BRINP1: variants seen among roughly 807,000 people sequenced by gnomAD.
BRINP1 encodes the protein BMP/retinoic acid inducible neural specific 1.
BRINP1 carries 17 observed loss-of-function variants against 72.9 expected under a neutral mutation model. The ratio of observed to expected loss-of-function variants is 0.23; its 90% CI spans 0.16 to 0.35. BRINP1 has a LOEUF of 0.35. Ranked by LOEUF, BRINP1 falls within the 10% of genes least tolerant of loss-of-function variation. BRINP1 has a pLI of 1.00. For synonymous variants in BRINP1, 418 were observed against 378.5 expected (o/e 1.10, Z -1.21); for missense variants, 850 against 1,001.6 (o/e 0.85, Z 2.04).
intron 2 of BRINP1, among the ~76,000 whole-genome samples, chr9:119,287,052 G>T (rs538577771): frequency 2.1e-5 from 3 of 143,194 alleles, no homozygotes; most frequent in Non-Finnish European, 4.5e-5. Flanking sequence ...ATTTGAGATA[G>T]AAGGAAAGAA....
At chr9:119,214,678 C>T (rs1187652137) in intron 5 of BRINP1, among the ~76,000 whole-genome samples, 1 of 151,632 alleles carries the variant, frequency 6.6e-6, no homozygotes, top group Non-Finnish European at 1.5e-5. Context: ...CATAACATGG[C>T]TTTATAGACC....
chr9:119,237,047 A>C (rs1399282841), intron 5 of BRINP1, among the ~76,000 whole-genome samples: 4 of 152,196 alleles, frequency 2.6e-5, no homozygotes, highest in Non-Finnish European at 5.9e-5. Context: ...TGAATCAAAG[A>C]GTTGCCAAAA....
At chr9:119,278,758 C>T (rs575396903) in intron 2 of BRINP1, among the ~76,000 whole-genome samples, 2 of 151,998 alleles carry the variant, frequency 1.3e-5, no homozygotes, top group East Asian at 1.9e-4. Flanking sequence ...CGTGGTGGTG[C>T]GTGCCTGTAG....
intron 4 of BRINP1, among the ~76,000 whole-genome samples, chr9:119,239,832 A>G (rs1335344372): frequency 6.6e-6 from 1 of 152,140 alleles, no homozygotes; most frequent in Admixed American, 6.5e-5. Flanking sequence ...GTTTTGTTTT[A>G]CAAATAATTT....
chr9:119,304,389 A>G (rs1830973600), intron 2 of BRINP1, among the ~76,000 whole-genome samples: 1 of 152,152 alleles, frequency 6.6e-6, no homozygotes, highest in Non-Finnish European at 1.5e-5. Context: ...TGGTTCACAA[A>G]AGGTTACACA....
At chr9:119,327,210 C>T (rs1471878254) in intron 1 of BRINP1, among the ~76,000 whole-genome samples, 2 of 152,120 alleles carry the variant, frequency 1.3e-5, no homozygotes, top group African/African-American at 4.8e-5. Flanking sequence ...TATAGGTAAA[C>T]ATTTGCCATG....
At chr9:119,242,905 A>T (rs777640253) in intron 3 of BRINP1, among the ~76,000 whole-genome samples, 13 of 151,962 alleles carry the variant, frequency 8.6e-5, no homozygotes, top group Admixed American at 2.6e-4. Flanking sequence ...TTTCTCCAGA[A>T]CTCCAGAAAG....
chr9:119,333,596 G>T (rs571342229), intron 1 of BRINP1, among the ~76,000 whole-genome samples: 1 of 151,816 alleles, frequency 6.6e-6, no homozygotes, highest in Non-Finnish European at 1.5e-5. Context: ...AAACGCTCCC[G>T]TATTATTTTA....
intron 2 of BRINP1, among the ~76,000 whole-genome samples, chr9:119,268,285 T>TAGATAGATAGATAGATAGAC (rs1554752344): frequency 0.034 from 5,003 of 148,584 alleles, 138 homozygotes; most frequent in East Asian, 0.069. Context: ...GATAGATAGA[T>TAGATAGATAGATAGATAGAC]AGATAGATAG....
intron 2 of BRINP1, among the ~76,000 whole-genome samples, chr9:119,264,047 T>A (rs1404618130): frequency 6.6e-6 from 1 of 152,220 alleles, no homozygotes; most frequent in Non-Finnish European, 1.5e-5. Flanking sequence ...CCCTGGAATC[T>A]GGCAAGTTAC....
intron 2 of BRINP1, among the ~76,000 whole-genome samples, chr9:119,307,092 A>G (rs1226568119): frequency 7.2e-5 from 11 of 151,746 alleles, no homozygotes; most frequent in African/African-American, 2.4e-4. Context: ...AGGCTATCCT[A>G]TGCATTGTAA....
intron 6 of BRINP1, chr9:119,213,673 G>T: frequency 1.7e-6 from 1 of 590,980 alleles, no homozygotes; most frequent in Non-Finnish European, 3.0e-6. Context: ...CTGTCTTCTG[G>T]GTACGACAGA....
At chr9:119,290,888 C>T (rs536646902) in intron 2 of BRINP1, among the ~76,000 whole-genome samples, 68 of 152,112 alleles carry the variant, frequency 4.5e-4, no homozygotes, top group African/African-American at 1.6e-3. Context: ...TTTGGGAGGC[C>T]GAGGCGGGCA....
At chr9:119,313,826 G>A (rs1420501625) in intron 1 of BRINP1, among the ~76,000 whole-genome samples, 1 of 152,186 alleles carries the variant, frequency 6.6e-6, no homozygotes, top group Non-Finnish European at 1.5e-5. Flanking sequence ...CACCCAGTAA[G>A]AGACATAGGG....
chr9:119,190,440 A>G (rs531927815), intron 7 of BRINP1, among the ~76,000 whole-genome samples: 28 of 151,732 alleles, frequency 1.8e-4, no homozygotes, highest in Non-Finnish European at 3.7e-4. Context: ...GGAAACTCAA[A>G]TAAATAAAAT....
intron 1 of BRINP1, among the ~76,000 whole-genome samples, chr9:119,335,979 C>T (rs758012051): frequency 6.6e-6 from 1 of 152,168 alleles, no homozygotes; most frequent in Non-Finnish European, 1.5e-5. Flanking sequence ...TTGAATGCCA[C>T]CTGAGACTTG....
At chr9:119,235,352 G>A (rs1006280835) in intron 5 of BRINP1, among the ~76,000 whole-genome samples, 1 of 152,068 alleles carries the variant, frequency 6.6e-6, no homozygotes, top group Non-Finnish European at 1.5e-5. Flanking sequence ...AATTTCACAT[G>A]AGTTTCTTAT....
chr9:119,278,613 G>A (rs1830678777), intron 2 of BRINP1, among the ~76,000 whole-genome samples: 1 of 152,110 alleles, frequency 6.6e-6, no homozygotes, highest in Admixed American at 6.5e-5. Flanking sequence ...AAAGCAGCTG[G>A]GCGCGGTGGC....
chr9:119,337,071 C>A (rs1587965097), intron 1 of BRINP1, among the ~76,000 whole-genome samples: 1 of 152,128 alleles, frequency 6.6e-6, no homozygotes. Context: ...ACTGGACCAG[C>A]CTCCTAATTC....
Sources: allele counts gnomAD v4.1 joint callset (sites outside exome capture counted in the v4.1 genomes callset), GRCh38; gene constraint gnomAD v4.1.1; transcripts MANE v1.5; gene names NCBI Gene and HGNC (gene_info 2026-07-23, HGNC 2026-07-21).